MCAT: variants seen among roughly 807,000 people sequenced by gnomAD.
MCAT encodes the protein malonyl-CoA-acyl carrier protein transacylase, mitochondrial.
Under a neutral mutation model 22.9 loss-of-function variants are expected in MCAT, and 22 were observed. The observed-to-expected ratio is 0.96, with a 90% confidence interval of 0.69 to 1.37. The LOEUF (loss-of-function observed/expected upper bound fraction) is 1.37, where lower values mean the gene tolerates loss of function less well. Among genes scored for constraint, MCAT ranks in the 40% most tolerant of loss-of-function variants. MCAT has a pLI of 0.00. For synonymous variants in MCAT, 240 were observed against 233.9 expected (o/e 1.03, Z -0.24); for missense variants, 534 against 533.6 (o/e 1.00, Z -0.01).
intron 1 of MCAT, among the ~76,000 whole-genome samples, 155 bp from the exon 2 acceptor site, chr22:43,141,404 T>C (rs2147037826): frequency 6.6e-6 from 1 of 152,332 alleles, no homozygotes; most frequent in East Asian, 1.9e-4. Context: ...AAAAGTGACC[T>C]TGACAATCAT....
At chr22:43,141,844 T>C (rs1481126791) in intron 1 of MCAT, among the ~76,000 whole-genome samples, 1 of 152,204 alleles carries the variant, frequency 6.6e-6, no homozygotes, top group Non-Finnish European at 1.5e-5. Context: ...TGCTGGATTA[T>C]AGGCATTATA....
chr22:43,133,377 G>T lies in MCAT; in HGVS notation c.839C>A (p.Pro280His). 6.2e-7 allele frequency: 1 copy of T among 1,614,124 alleles called. No individual in the cohort carries two copies. The highest frequency in any genetic ancestry group is 8.5e-7 in the Non-Finnish European group (1 of 1,180,026). The change falls in exon 4 of 4, where the codon CCC becomes CAC. Residue 280 changes from proline (P) to histidine (H), a missense_variant. Physicochemically the swap from Pro to His is moderately conservative, Grantham distance 77. Transcript: ENST00000290429. Reference protein sequence around the residue: ...HTRLMEPAVEPLTQALKAVDI... With the variant: ...HTRLMEPAVEHLTQALKAVDI... Reference sequence around the variant, plus strand: ...GACTGCCTTTAAAGCTTGCGTCAGGGGCTCCACGGCTGGCTCCATGAGGCG... The same window carrying T: ...GACTGCCTTTAAAGCTTGCGTCAGGTGCTCCACGGCTGGCTCCATGAGGCG...
At position 43,133,431 on chromosome 22, in the gene MCAT, A is replaced by G. The variant is rs758226576; in HGVS notation, c.785T>C (p.Met262Thr). The stretch of plus-strand genomic sequence containing the variant: ...GTGGAATGCGCCACTAACCGGCAAC[A>G]TCCTGGTGCGTCTGAAATGAAACTT... ...SSKFHFRRTR[M>T]LPVSGAFHTR... is the part of the protein sequence containing the mutation. The change falls in exon 4 of 4, where the codon ATG becomes ACG. Residue 262 changes from methionine (M) to threonine (T), a missense_variant. Met to Thr is a moderately conservative substitution (Grantham distance 81). Coordinates refer to ENST00000290429, the MANE Select transcript of MCAT (RefSeq NM_173467.5). 1.9e-6 allele frequency: 3 copies of G among 1,614,066 alleles called. No homozygotes were observed. The highest frequency in any genetic ancestry group is 1.6e-4 in the Middle Eastern group (1 of 6,062).
At position 43,142,819 on chromosome 22, in the gene MCAT, G is replaced by A. The variant is rs1601746295; in HGVS notation, c.423+107C>T. The A allele has an allele frequency of 9.2e-6, 10 of 1,090,572 alleles. No individual in the cohort carries two copies. The East Asian group carries it at 3.0e-4, about 32-fold the overall frequency. 67.6% of individuals were successfully genotyped at this position (1,090,572 alleles called of 1,614,324 possible). On this transcript the variant is annotated intron_variant, in intron 1 of 3. Transcript: ENST00000290429. ...AACAAAAAAAAAAACTCGATCGAAT[G>A]AGTAAGACGTGGGAGCCCCCGGAAT... is the stretch of plus-strand genomic sequence containing the variant.
intron 3 of MCAT, 134 bp downstream of exon 3, chr22:43,136,947 C>T (rs1392163668): frequency 1.3e-6 from 1 of 762,294 alleles, no homozygotes; most frequent in Non-Finnish European, 2.3e-6. Context: ...TACCTCACTG[C>T]CCTGGCCCCA....
intron 1 of MCAT, among the ~76,000 whole-genome samples, chr22:43,141,976 T>C (rs780954569): frequency 4.6e-5 from 7 of 152,250 alleles, no homozygotes; most frequent in Non-Finnish European, 7.3e-5. Context: ...ATACAGTGCT[T>C]AGCACAGACC....
Position 43,132,753 on chromosome 22 carries a change from T to G in MCAT, c.*290A>C. On this transcript the variant is annotated 3_prime_UTR_variant, in exon 4 of 4. Coordinates refer to ENST00000290429, the MANE Select transcript of MCAT (RefSeq NM_173467.5). ...CCCGCTGAGATGGCACACCTGCCTA[T>G]GGTGCAGGGCTGGCAGAGGCGGGGC... The G allele has an allele frequency of 9.9e-6, 4 of 403,370 alleles. No individual in the cohort carries two copies. Among genetic ancestry groups the G allele is most frequent in the East Asian group, 4.9e-5 (1 of 20,470 alleles). The allele number at this position is 403,370 out of a possible 1,614,324, so 25.0% of individuals were successfully genotyped here.
chr22:43,141,389 C>T (rs1365240536), intron 1 of MCAT, 140 bp from the exon 2 acceptor site: 4 of 687,740 alleles, frequency 5.8e-6, no homozygotes, highest in Non-Finnish European at 1.0e-5. Context: ...TGGAAGAGGA[C>T]ACACAAAAGT....
chr22:43,142,738 G>A (rs1007073987), intron 1 of MCAT, among the ~76,000 whole-genome samples, 188 bp downstream of exon 1: 1 of 149,984 alleles, frequency 6.7e-6, no homozygotes, highest in African/African-American at 2.5e-5. Context: ...TCGCGCCACT[G>A]CACTCTAGCC....
intron 2 of MCAT, among the ~76,000 whole-genome samples, chr22:43,139,597 GAC>G (rs1203963638): frequency 3.0e-5 from 2 of 67,120 alleles, no homozygotes; most frequent in East Asian, 9.2e-4. Flanking sequence ...TTTTTTTTTT[GAC>G]ACAGAGTCTC....
At position 43,133,086 on chromosome 22, in the gene MCAT, G is replaced by A. The variant is rs368887172; in HGVS notation, c.1130C>T (p.Thr377Ile). The A allele has an allele frequency of 1.2e-6, 2 of 1,614,046 alleles. No individual in the cohort carries two copies. The highest frequency in any genetic ancestry group is 2.7e-5 in the African/African-American group (2 of 74,910). The change falls in exon 4 of 4, where the codon ACC (threonine) becomes ATC (isoleucine). Residue 377 changes from threonine to isoleucine, a missense_variant. By Grantham distance (89) the Thr-to-Ile change is moderately conservative (BLOSUM62 -1). Transcript: ENST00000290429. ...AGGGTCCAGGTCCACATGTTCGAGG[G>A]TCTGCAGCACATCCACGGCGCTGTA... is the stretch of plus-strand genomic sequence containing the variant. ...KSYSAVDVLQ[T>I]LEHVDLDPQE... is the part of the protein sequence containing the mutation.
At chr22:43,139,780 G>T (rs966588338) in intron 2 of MCAT, among the ~76,000 whole-genome samples, 28 of 151,954 alleles carry the variant, frequency 1.8e-4, no homozygotes, top group Admixed American at 5.3e-4. Context: ...GTTTTACCAC[G>T]TTGGTCAGGC....
rs1239008164 is a variant in MCAT at position 43,133,080 on chromosome 22, T to C, written c.1136A>G (p.Glu379Gly). 1 of 1,614,122 alleles carries C rather than the reference T, an allele frequency of 6.2e-7. No homozygotes were observed. Among genetic ancestry groups the C allele is most frequent in the Admixed American group, 1.7e-5 (1 of 60,020 alleles). The change falls in exon 4 of 4, where the codon GAA becomes GGA. Residue 379 changes from glutamate (E) to glycine (G), a missense_variant. By Grantham distance (98) the Glu-to-Gly change is moderately conservative. Transcript: ENST00000290429. ...YSAVDVLQTL[E>G]HVDLDPQEPP... is the part of the protein sequence containing the mutation. ...CTCCTGAGGGTCCAGGTCCACATGT[T>C]CGAGGGTCTGCAGCACATCCACGGC...
intron 1 of MCAT, among the ~76,000 whole-genome samples, chr22:43,141,937 G>A (rs1373434328): frequency 1.3e-5 from 2 of 152,244 alleles, no homozygotes; most frequent in African/African-American, 4.8e-5. Flanking sequence ...CCAAAGGGCG[G>A]ATGAGAGAAT....
chr22:43,137,735 G>GTT (rs369123320), intron 2 of MCAT, among the ~76,000 whole-genome samples: 1 of 146,398 alleles, frequency 6.8e-6, no homozygotes, highest in South Asian at 2.2e-4. Context: ...TAGCGCCACT[G>GTT]TTTTTTTTTT....
intron 1 of MCAT, 152 bp downstream of exon 1, chr22:43,142,774 C>CA (rs151166687): frequency 0.041 from 27,376 of 661,542 alleles, 29 homozygotes; most frequent in South Asian, 0.068. Context: ...GACTCCGTCT[C>CA]AAAAAAAAAA....
Position 43,143,127 on chromosome 22 carries a change from C to A in MCAT, c.222G>T (p.Val74=). Residue 74 remains valine, a synonymous_variant, in exon 1 of 4, where the codon GTG becomes GTT. Transcript: ENST00000290429. ...TGAGCAGACCGCGGCCCATGCCCAC[C>A]ACCTGGCTGCCCTGGCCCGGGAAGA... The part of the protein sequence containing the change: ...VLLFPGQGSQ[V]VGMGRGLLNY... 1 of 1,599,082 alleles carries A rather than the reference C, an allele frequency of 6.3e-7. No individual in the cohort carries two copies.
At position 43,137,139 on chromosome 22, in the gene MCAT, A is replaced by G; in HGVS notation, c.671T>C (p.Val224Ala). 1 of 1,614,136 alleles carries G rather than the reference A, an allele frequency of 6.2e-7. No homozygotes were observed. The highest frequency in any genetic ancestry group is 8.5e-7 in the Non-Finnish European group (1 of 1,180,026). The change falls in exon 3 of 4, where the codon GTA (valine) becomes GCA (alanine). Residue 224 changes from valine to alanine, a missense_variant. Transcript: ENST00000290429. ...HCKSLGIENP[V>A]CEVSNYLFPD... ...AAAGAGGTAGTTGGACACTTCACAT[A>G]CGGGGTTCTCTATGCCTAAAGACTT...
Position 43,143,241 on chromosome 22 carries a change from C to G in MCAT, c.108G>C (p.Ala36=). Residue 36 remains alanine, a synonymous_variant, in exon 1 of 4, where the codon GCG becomes GCC. Coordinates refer to ENST00000290429, the MANE Select transcript of MCAT (RefSeq NM_173467.5). ...CCCCGGTCGCATCTCGCAGCAGCTC[C>G]GCTACACCCTGGGCGCCCGGCGGAG... is the stretch of plus-strand genomic sequence containing the variant. The part of the protein sequence containing the change: ...PVPPPGAQGV[A]ELLRDATGAE... The G allele has an allele frequency of 6.8e-7, 1 of 1,479,804 alleles. No homozygotes were observed. Among genetic ancestry groups the G allele is most frequent in the Middle Eastern group, 2.4e-4 (1 of 4,236 alleles). 91.7% of individuals were successfully genotyped at this position (1,479,804 alleles called of 1,614,324 possible). A position where few individuals can be genotyped will look rare whatever the true frequency, so the allele number is the denominator to read the frequency against.
Sources: allele counts gnomAD v4.1 joint callset (sites outside exome capture counted in the v4.1 genomes callset), GRCh38; gene constraint gnomAD v4.1.1; transcripts MANE v1.5; gene names NCBI Gene and HGNC (gene_info 2026-07-23, HGNC 2026-07-21).